Variants in CTNNA3 observed in about 807,000 individuals in gnomAD.
CTNNA3 encodes the protein catenin alpha-3.
Under a neutral mutation model 95.7 loss-of-function variants are expected in CTNNA3, and 76 were observed. The observed-to-expected ratio is 0.79, with a 90% CI of 0.66 to 0.96. The LOEUF is 0.96. CTNNA3 is among the 40% of genes least tolerant of loss of function. CTNNA3 has a pLI of 0.00. For missense variants in CTNNA3, 1,191 were observed against 1,089.8 expected (o/e 1.09, Z -1.31); for synonymous variants, 431 against 374.4 (o/e 1.15, Z -1.74).
In CTNNA3 at chr10:66,170,727, C is replaced by CAA. The variant is rs34828048; in HGVS notation, c.1885-67480_1885-67479dup. On this transcript the variant is annotated intron_variant, in intron 13 of 17. Coordinates refer to ENST00000433211, the MANE Select transcript of CTNNA3 (RefSeq NM_013266.4). ...TGCTTCAGAGAAAGCAATGTTTACC[C>CAA]AAAAAAAAAAAAAAAAGTTACTGGG... is the stretch of plus-strand genomic sequence containing the variant. Among the ~76,000 whole-genome samples the CAA allele has an allele frequency of 4.1e-3, 558 of 137,374 alleles. 3 individuals carry two copies. The highest frequency in any genetic ancestry group is 0.013 in the African/African-American group (480 of 37,994). The allele number at this position is 137,374 out of a possible 152,430, so 90.1% of individuals were successfully genotyped here.
intron 5 of CTNNA3, among the ~76,000 whole-genome samples, chr10:67,228,136 A>ACCAAAC (rs919025800): frequency 1.3e-5 from 2 of 152,160 alleles, no homozygotes; most frequent in African/African-American, 4.8e-5. Flanking sequence ...ACAAGAACAA[A>ACCAAAC]CCAAACCCAA....
intron 13 of CTNNA3, among the ~76,000 whole-genome samples, chr10:66,219,199 T>C (rs1300853245): frequency 1.3e-5 from 2 of 152,140 alleles, no homozygotes; most frequent in African/African-American, 4.8e-5. Context: ...GATGCTGTAA[T>C]AGGATGAGGC....
rs139945472 is a variant in CTNNA3, at chr10:66,778,248, G to A, written c.1048-2724C>T. 4.7e-3 allele frequency among the ~76,000 whole-genome samples: 710 copies of A among 152,124 alleles called. 5 individuals carry two copies. The highest frequency in any genetic ancestry group is 0.017 in the African/African-American group (691 of 41,510). On this transcript the variant is annotated intron_variant, in intron 7 of 17. Transcript: ENST00000433211. ...ATTTATCTAGATTTATTTGGCTTCA[G>A]TCAAGCCATTTTATGCCTCTTTATT...
chr10:66,509,688 T>C (rs567153346), intron 11 of CTNNA3, among the ~76,000 whole-genome samples: 1 of 152,030 alleles, frequency 6.6e-6, no homozygotes, highest in Non-Finnish European at 1.5e-5. Flanking sequence ...AATATATAGA[T>C]GTATTTCTGG....
At chr10:66,175,388 A>G (rs1027394902) in intron 13 of CTNNA3, among the ~76,000 whole-genome samples, 1 of 152,240 alleles carries the variant, frequency 6.6e-6, no homozygotes, top group African/African-American at 2.4e-5. Flanking sequence ...CGTTACTATA[A>G]AATACCATTT....
chr10:67,133,281 T>C (rs1361554702), intron 7 of CTNNA3, among the ~76,000 whole-genome samples: 1 of 132,376 alleles, frequency 7.6e-6, no homozygotes, highest in Non-Finnish European at 1.6e-5. Context: ...TAGTGTTCTA[T>C]AGCCTTAGCT....
chr10:66,811,021 T>C (rs1033770328), intron 7 of CTNNA3, among the ~76,000 whole-genome samples: 4 of 152,212 alleles, frequency 2.6e-5, no homozygotes, highest in African/African-American at 9.6e-5. Context: ...ATAGTGGAAC[T>C]TTAGATAAAC....
chr10:66,875,469 T>C (rs951948135), intron 7 of CTNNA3, among the ~76,000 whole-genome samples: 3 of 151,882 alleles, frequency 2.0e-5, no homozygotes, highest in Non-Finnish European at 2.9e-5. Flanking sequence ...TCCAAATCAT[T>C]CAATAGTATT....
intron 12 of CTNNA3, among the ~76,000 whole-genome samples, chr10:66,345,138 G>T (rs546858833): frequency 1.3e-5 from 2 of 151,862 alleles, no homozygotes; most frequent in African/African-American, 4.8e-5. Flanking sequence ...AAATTTTGCC[G>T]GCATTCTGAA....
At chr10:67,687,149 G>A (rs1401851494) in intron 1 of CTNNA3, among the ~76,000 whole-genome samples, 1 of 152,186 alleles carries the variant, frequency 6.6e-6, no homozygotes, top group South Asian at 2.1e-4. Context: ...TTAACACTGA[G>A]AAGGCCATGC....
intron 11 of CTNNA3, among the ~76,000 whole-genome samples, chr10:66,420,663 A>T (rs78983734): frequency 1.3e-5 from 2 of 151,844 alleles, no homozygotes. Context: ...GCCGGGCGTG[A>T]TGGCATGTGC....
chr10:66,849,277 C>T (rs566919621), intron 7 of CTNNA3, among the ~76,000 whole-genome samples: 2 of 152,160 alleles, frequency 1.3e-5, no homozygotes, highest in South Asian at 2.1e-4. Context: ...GCTGACAAGC[C>T]ATCAGGAAAT....
At chr10:67,069,545 G>GT (rs1856306919) in intron 7 of CTNNA3, among the ~76,000 whole-genome samples, 3 of 151,176 alleles carry the variant, frequency 2.0e-5, no homozygotes, top group Admixed American at 2.0e-4. Context: ...ATTACAAGGT[G>GT]TACAGCAGCC....
chr10:67,726,636 TA>T, intron 1 of CTNNA3, among the ~76,000 whole-genome samples: 1 of 84,746 alleles, frequency 1.2e-5, no homozygotes, highest in Non-Finnish European at 2.1e-5. Context: ...TTATATTATA[TA>T]TAATATATAC....
At chr10:66,697,221 G>A (rs1053553020) in intron 9 of CTNNA3, among the ~76,000 whole-genome samples, 2 of 149,168 alleles carry the variant, frequency 1.3e-5, no homozygotes, top group Non-Finnish European at 3.0e-5. Flanking sequence ...ATATACATAT[G>A]TGTATTTATG....
intron 7 of CTNNA3, chr10:66,926,433 C>A: frequency 1.3e-6 from 1 of 767,136 alleles, no homozygotes; most frequent in Non-Finnish European, 2.3e-6. Context: ...AATAATGTTC[C>A]AAAATCGGTC....
chr10:67,580,232 A>G (rs1367995547), intron 3 of CTNNA3, among the ~76,000 whole-genome samples: 3 of 152,196 alleles, frequency 2.0e-5, no homozygotes, highest in Non-Finnish European at 4.4e-5. Context: ...TAATTTTTGT[A>G]TAAGGTGTAA....
rs191376544 is a variant in CTNNA3, at chr10:66,436,707, C to T, written c.1532-57355G>A. On this transcript the variant is annotated intron_variant, in intron 11 of 17. Transcript: ENST00000433211. ...CAATTTACACTTAAAGTTATTGTTA[C>T]ATGTGAATTTGATCCTGTCATCATG... is the stretch of plus-strand genomic sequence containing the variant. 4.6e-5 allele frequency among the ~76,000 whole-genome samples: 7 copies of T among 151,802 alleles called. No homozygotes were observed. In the East Asian group the frequency reaches 1.2e-3, roughly 25 times the overall value.
chr10:66,502,897 T>G (rs750711800), intron 11 of CTNNA3, among the ~76,000 whole-genome samples: 14 of 152,194 alleles, frequency 9.2e-5, no homozygotes, highest in Non-Finnish European at 1.8e-4. Context: ...AAGTATTGTA[T>G]GAGCATACTC....
Sources: allele counts gnomAD v4.1 joint callset (sites outside exome capture counted in the v4.1 genomes callset), GRCh38; gene constraint gnomAD v4.1.1; transcripts MANE v1.5; gene names NCBI Gene and HGNC (gene_info 2026-07-23, HGNC 2026-07-21).